The following FBLN5 variants were observed in gnomAD, a reference collection of about 807,000 sequenced individuals.
FBLN5 encodes fibulin-5.
Under a neutral mutation model 61.6 loss-of-function variants are expected in FBLN5, and 24 were observed. The observed-to-expected ratio is 0.39, with a 90% CI of 0.28 to 0.55. The LOEUF is 0.55. Ranked by LOEUF, FBLN5 falls within the 20% of genes least tolerant of loss-of-function variation. The probability of loss-of-function intolerance (pLI) is 0.65; values close to 1 mark genes in which losing one functional copy is unlikely to be tolerated. For synonymous variants in FBLN5, 213 were observed against 219.8 expected (o/e 0.97, Z 0.27); for missense variants, 470 against 594.1 (o/e 0.79, Z 2.17).
At chr14:91,915,271 A>G (rs747607471) in intron 4 of FBLN5, among the ~76,000 whole-genome samples, 3 of 152,228 alleles carry the variant, frequency 2.0e-5, no homozygotes, top group Admixed American at 1.3e-4. Flanking sequence ...AATGGTAAGA[A>G]AAAGCTTATG....
At chr14:91,934,142 G>T (rs1003174819) in intron 4 of FBLN5, among the ~76,000 whole-genome samples, 1 of 152,184 alleles carries the variant, frequency 6.6e-6, no homozygotes, top group Non-Finnish European at 1.5e-5. Context: ...GGAGGCAGAG[G>T]TTGCAGTGAT....
chr14:91,925,770 A>G (rs1241159654), intron 4 of FBLN5, among the ~76,000 whole-genome samples: 1 of 152,196 alleles, frequency 6.6e-6, no homozygotes, highest in Non-Finnish European at 1.5e-5. Context: ...GCTTCTGTAC[A>G]TTAGATTGCA....
rs546827390 is a variant in FBLN5 at position 91,947,286 on chromosome 14, C to T, written c.-57G>A. Reference sequence around the variant, plus strand: ...CGAGAAGAAAGCTCGCGGGCGGGACCCCCGGAGGAGCTCGGGCACGTCGGC... The same window carrying T: ...CGAGAAGAAAGCTCGCGGGCGGGACTCCCGGAGGAGCTCGGGCACGTCGGC... On this transcript the variant is annotated 5_prime_UTR_variant, in exon 1 of 11. Transcript: ENST00000342058. The surrounding 1 kb of genome is among the most constrained non-coding windows in gnomAD (Gnocchi z 4.3). 8.2e-4 allele frequency: 1,323 copies of T among 1,611,960 alleles called. 20 individuals carry two copies. The South Asian group carries it at 0.014, about 16-fold the overall frequency.
At chr14:91,893,512 G>T (rs777590089) in intron 5 of FBLN5, among the ~76,000 whole-genome samples, 3 of 152,180 alleles carry the variant, frequency 2.0e-5, no homozygotes, top group Non-Finnish European at 4.4e-5. Flanking sequence ...TTGTTTCCAT[G>T]ATTTCGTTTG....
rs184932497 is a variant in FBLN5, at chr14:91,898,218, G to A, written c.380-3146C>T. Among the ~76,000 whole-genome samples the A allele has an allele frequency of 2.9e-3, 444 of 152,020 alleles. 2 individuals carry two copies. The highest frequency in any genetic ancestry group is 8.3e-3 in the African/African-American group (343 of 41,446). ...CCCTGAAGTTTTTTTTGGCGGGGGG[G>A]GCGGAATCTCTCACCTTTATAGCCT... On this transcript the variant is annotated intron_variant, in intron 4 of 10. Transcript: ENST00000342058.
intron 4 of FBLN5, among the ~76,000 whole-genome samples, chr14:91,899,394 T>G (rs1022697447): frequency 1.3e-5 from 2 of 152,194 alleles, no homozygotes; most frequent in East Asian, 1.9e-4. Flanking sequence ...ACCAGCACCC[T>G]GGCAACTGGA....
intron 9 of FBLN5, among the ~76,000 whole-genome samples, chr14:91,879,294 A>G (rs541169207): frequency 6.6e-6 from 1 of 152,272 alleles, no homozygotes; most frequent in Admixed American, 6.5e-5. Flanking sequence ...GTGGAAATGA[A>G]AGGAATGCCT....
At chr14:91,919,432 A>AGGAT (rs1555378275) in intron 4 of FBLN5, among the ~76,000 whole-genome samples, 1 of 150,230 alleles carries the variant, frequency 6.7e-6, no homozygotes, top group African/African-American at 2.5e-5. Flanking sequence ...GAAGGAAGGA[A>AGGAT]GGATTACCAG....
intron 3 of FBLN5, among the ~76,000 whole-genome samples, chr14:91,938,036 T>C (rs1307983593): frequency 2.0e-5 from 3 of 152,246 alleles, no homozygotes; most frequent in Non-Finnish European, 4.4e-5. Context: ...ATGTACCATC[T>C]AATACATCAA....
intron 3 of FBLN5, 77 bp from the exon 4 acceptor site, chr14:91,937,278 G>C: frequency 6.3e-7 from 1 of 1,588,742 alleles, no homozygotes; most frequent in Non-Finnish European, 8.6e-7. Flanking sequence ...GCAGAACTCG[G>C]TACCAGGCGT....
chr14:91,931,207 C>T (rs1315374950), intron 4 of FBLN5, among the ~76,000 whole-genome samples: 1 of 152,214 alleles, frequency 6.6e-6, no homozygotes, highest in Non-Finnish European at 1.5e-5. Context: ...CCCCAGAAGG[C>T]TTCTTATCTC....
At chr14:91,911,803 G>GA (rs55665890) in intron 4 of FBLN5, among the ~76,000 whole-genome samples, 28,139 of 141,000 alleles carry the variant, frequency 0.2, 3,141 homozygotes, top group Middle Eastern at 0.33. Flanking sequence ...GGAAAAGACG[G>GA]AAAAAAAAAA....
In FBLN5 at chr14:91,869,601, T is replaced by A. The variant is rs77357345; in HGVS notation, c.*623A>T. The A allele has an allele frequency of 0.018, 2,843 of 154,366 alleles. 101 individuals are homozygous for A. Among genetic ancestry groups the A allele is most frequent in the African/African-American group, 0.065 (2,710 of 41,526 alleles). 9.6% of individuals were successfully genotyped at this position (154,366 alleles called of 1,614,324 possible). A position where few individuals can be genotyped will look rare whatever the true frequency, so the allele number is the denominator to read the frequency against. On this transcript the variant is annotated 3_prime_UTR_variant, in exon 11 of 11. Transcript: ENST00000342058. ...CGAAGGAATTCTACGACATATTTTT[T>A]AAAAATACTCAAAATGAACAAGACA...
At chr14:91,923,943 A>G (rs776094264) in intron 4 of FBLN5, among the ~76,000 whole-genome samples, 7 of 152,110 alleles carry the variant, frequency 4.6e-5, no homozygotes, top group Non-Finnish European at 1.0e-4. Context: ...TCCCATACCT[A>G]CGTTCGTTGC....
In FBLN5 at chr14:91,947,238, C is replaced by A. The variant is rs184393277; in HGVS notation, c.-9G>T. 229 of 1,614,184 alleles carry A rather than the reference C, an allele frequency of 1.4e-4. 1 individual carries two copies. In the East Asian group the frequency reaches 4.1e-3, roughly 29 times the overall value. The stretch of plus-strand genomic sequence containing the variant: ...CTTTTTATTCCTGGCATGTCCAAGA[C>A]GCGCGAGGAGGAGATGCGAAGGCGA... On this transcript the variant is annotated 5_prime_UTR_variant, in exon 1 of 11. Transcript: ENST00000342058. This position sits in a 1 kb window ranked among gnomAD's most constrained non-coding sequence, Gnocchi z 4.3.
At position 91,894,163 on chromosome 14, in the gene FBLN5, C is replaced by A. The variant is rs538947536; in HGVS notation, c.502+787G>T. ...CCTGTAATCTCAGCACTTTGGGAGG[C>A]TGAGGCAGGCAGATCACTTTAGCCC... On this transcript the variant is annotated intron_variant, in intron 5 of 10. Transcript: ENST00000342058. Among the ~76,000 whole-genome samples the A allele has an allele frequency of 3.3e-5, 5 of 150,952 alleles. No individual in the cohort carries two copies. In the East Asian group the frequency reaches 7.8e-4, roughly 24 times the overall value.
intron 9 of FBLN5, 41 bp downstream of exon 9, chr14:91,881,251 C>T (rs767399544): frequency 6.2e-7 from 1 of 1,612,964 alleles, no homozygotes; most frequent in East Asian, 2.2e-5. Flanking sequence ...GAGCCAGGCC[C>T]TCATCAGGTT....
chr14:91,940,737 C>G, intron 2 of FBLN5, 121 bp from the exon 3 acceptor site: 1 of 772,470 alleles, frequency 1.3e-6, no homozygotes, highest in East Asian at 2.7e-5. Flanking sequence ...ATACCAATAC[C>G]TGTATTATAA....
intron 6 of FBLN5, 141 bp from the exon 7 acceptor site, chr14:91,887,453 T>C: frequency 1.2e-6 from 1 of 857,658 alleles, no homozygotes; most frequent in Non-Finnish European, 1.9e-6. Flanking sequence ...CCCAGGACCT[T>C]TGGGAGCATG....
Sources: gnomAD v4.1 joint callset for allele counts (sites outside exome capture counted in the v4.1 genomes callset) on GRCh38, gnomAD v4.1.1 for gene constraint, Gnocchi (gnomAD v3.1) non-coding constraint, MANE v1.5 for transcripts, NCBI Gene and HGNC (gene_info 2026-07-23, HGNC 2026-07-21) for gene names.